The following VRK2 variants were observed in gnomAD, a reference collection of about 807,000 sequenced individuals.
VRK2 encodes the protein serine/threonine-protein kinase VRK2.
In VRK2, 60 loss-of-function variants were observed where a neutral mutation model predicts 57.6. The ratio of observed to expected loss-of-function variants is 1.04; its 90% confidence interval spans 0.85 to 1.29. VRK2 has a LOEUF of 1.29. Among genes scored for constraint, VRK2 ranks in the 50% most tolerant of loss-of-function variants. The probability of loss-of-function intolerance (pLI) is 0.00; values close to 1 mark genes in which losing one functional copy is unlikely to be tolerated. For missense variants in VRK2, 705 were observed against 588.1 expected (o/e 1.20, Z -2.06); for synonymous variants, 231 against 199.2 (o/e 1.16, Z -1.35).
intron 1 of VRK2, among the ~76,000 whole-genome samples, chr2:57,968,379 T>A (rs530504443): frequency 6.6e-6 from 1 of 152,196 alleles, no homozygotes; most frequent in Admixed American, 6.5e-5. Flanking sequence ...AACCTAGACA[T>A]GGAGGAGGCT....
chr2:58,017,274 T>C (rs1673614611), intron 1 of VRK2, among the ~76,000 whole-genome samples: 1 of 152,196 alleles, frequency 6.6e-6, no homozygotes, highest in Non-Finnish European at 1.5e-5. Flanking sequence ...GTTGTCCTAT[T>C]AGTGAATACT....
In VRK2 at chr2:58,083,172, A is replaced by G. The variant is rs945964637; in HGVS notation, c.137-917A>G. ...CTTTTTTCCTTTCCCTTTCCTTCAGATATCATCCAGACACTTAACACAGTG... is the reference window on the plus strand; with the variant it reads ...CTTTTTTCCTTTCCCTTTCCTTCAGGTATCATCCAGACACTTAACACAGTG... On this transcript the variant is annotated intron_variant, in intron 2 of 12. Transcript: ENST00000340157. Among the ~76,000 whole-genome samples the G allele has an allele frequency of 2.6e-5, 4 of 151,724 alleles. No individual in the cohort carries two copies. The East Asian group carries it at 7.7e-4, about 29-fold the overall frequency.
At chr2:57,995,259 T>C (rs1267993479) in intron 1 of VRK2, among the ~76,000 whole-genome samples, 2 of 152,176 alleles carry the variant, frequency 1.3e-5, no homozygotes, top group African/African-American at 4.8e-5. Flanking sequence ...GTTTGGAAAA[T>C]AATGGCTCAC....
At chr2:58,065,741 G>A (rs1668513483) in intron 2 of VRK2, among the ~76,000 whole-genome samples, 1 of 152,018 alleles carries the variant, frequency 6.6e-6, no homozygotes, top group Non-Finnish European at 1.5e-5. Flanking sequence ...CATAAGTACA[G>A]CATGTGTCCT....
At chr2:57,992,094 T>C (rs1453890916) in intron 1 of VRK2, among the ~76,000 whole-genome samples, 2 of 151,174 alleles carry the variant, frequency 1.3e-5, no homozygotes, top group Non-Finnish European at 2.9e-5. Flanking sequence ...AGATTAATAA[T>C]AGATAGTTGT....
At chr2:58,028,909 T>A (rs1405652455) in intron 2 of VRK2, among the ~76,000 whole-genome samples, 13 of 50,938 alleles carry the variant, frequency 2.6e-4, no homozygotes, top group African/African-American at 1.1e-3. Flanking sequence ...AATAAATATA[T>A]ATATATATAT....
At chr2:58,145,577 T>C (rs1368063444) in intron 11 of VRK2, among the ~76,000 whole-genome samples, 1 of 152,046 alleles carries the variant, frequency 6.6e-6, no homozygotes, top group Non-Finnish European at 1.5e-5. Context: ...AAGCAAGTTA[T>C]CTGTAGAGAT....
intron 3 of VRK2, 118 bp downstream of exon 3, chr2:58,084,256 T>C (rs1671306860): frequency 4.7e-6 from 5 of 1,059,732 alleles, no homozygotes; most frequent in Non-Finnish European, 5.3e-6. Flanking sequence ...CCTAATGTTA[T>C]CATCTGTTTT....
At chr2:58,073,836 A>G (rs1376593243) in intron 2 of VRK2, among the ~76,000 whole-genome samples, 1 of 151,948 alleles carries the variant, frequency 6.6e-6, no homozygotes, top group Admixed American at 6.6e-5. Context: ...CCAGCATGGG[A>G]GAATGATGTA....
intron 1 of VRK2, among the ~76,000 whole-genome samples, chr2:57,946,571 T>C (rs1374244605): frequency 6.6e-6 from 1 of 152,160 alleles, no homozygotes; most frequent in Non-Finnish European, 1.5e-5. Context: ...ATTACACTTA[T>C]TGATTTGGCT....
chr2:58,067,401 C>G (rs528782283), intron 2 of VRK2, among the ~76,000 whole-genome samples: 11 of 152,250 alleles, frequency 7.2e-5, no homozygotes, highest in African/African-American at 2.6e-4. Context: ...AGAACCCTGA[C>G]TAATACAGTT....
intron 7 of VRK2, among the ~76,000 whole-genome samples, chr2:58,114,173 A>G (rs1039792968): frequency 1.3e-5 from 2 of 152,198 alleles, no homozygotes; most frequent in Non-Finnish European, 1.5e-5. Flanking sequence ...ACAGGTATAA[A>G]AAGTCTAAGA....
intron 7 of VRK2, among the ~76,000 whole-genome samples, chr2:58,119,002 G>A (rs1198302409): frequency 6.6e-6 from 1 of 152,142 alleles, no homozygotes; most frequent in African/African-American, 2.4e-5. Context: ...GTGGTGGAAT[G>A]TCATCAGTTA....
At chr2:58,135,015 C>CAAA in intron 9 of VRK2, 126 bp from the exon 10 acceptor site, 5 of 780,108 alleles carry the variant, frequency 6.4e-6, no homozygotes, top group Non-Finnish European at 9.8e-6. Flanking sequence ...AGTTGGGTGA[C>CAAA]AAAAAAAAAA....
intron 1 of VRK2, among the ~76,000 whole-genome samples, chr2:57,982,703 G>A (rs1194352899): frequency 1.3e-5 from 2 of 152,176 alleles, no homozygotes; most frequent in African/African-American, 4.8e-5. Context: ...GGAGAATAGA[G>A]GACACTCAGA....
At chr2:58,115,009 G>T (rs1676211282) in intron 7 of VRK2, among the ~76,000 whole-genome samples, 1 of 152,154 alleles carries the variant, frequency 6.6e-6, no homozygotes, top group Non-Finnish European at 1.5e-5. Context: ...AATCCCTGAG[G>T]AGTAGTAGAA....
chr2:58,073,621 G>A (rs1669647793), intron 2 of VRK2, among the ~76,000 whole-genome samples: 1 of 144,492 alleles, frequency 6.9e-6, no homozygotes, highest in African/African-American at 2.6e-5. Flanking sequence ...CTATAGAGGG[G>A]CAGAACTAAT....
intron 1 of VRK2, among the ~76,000 whole-genome samples, chr2:57,984,297 A>G (rs1337273588): frequency 6.6e-6 from 1 of 152,196 alleles, no homozygotes; most frequent in East Asian, 1.9e-4. Flanking sequence ...AACAACAATA[A>G]AAAACACTGT....
intron 7 of VRK2, among the ~76,000 whole-genome samples, chr2:58,118,804 G>A (rs1030663183): frequency 3.9e-5 from 6 of 152,322 alleles, no homozygotes; most frequent in East Asian, 1.9e-4. Context: ...GAGAGTCAGC[G>A]AAGGGAGATA....
Sources: allele counts gnomAD v4.1 joint callset (sites outside exome capture counted in the v4.1 genomes callset), GRCh38; gene constraint gnomAD v4.1.1; transcripts MANE v1.5; gene names NCBI Gene and HGNC (gene_info 2026-07-23, HGNC 2026-07-21).